The following KRT75 variants were observed in gnomAD, a reference collection of about 807,000 sequenced individuals.
The protein encoded by KRT75 is keratin, type II cytoskeletal 75.
A neutral mutation model predicts 48.8 loss-of-function variants in KRT75; 35 were observed. The ratio of observed to expected loss-of-function variants is 0.72; its 90% CI spans 0.55 to 0.95. KRT75 has a LOEUF of 0.95. Among genes scored for constraint, KRT75 ranks in the 40% least tolerant of loss-of-function variants. The pLI, the probability that KRT75 is intolerant of heterozygous loss-of-function variation, is 0.00. For synonymous variants in KRT75, 301 were observed against 282.3 expected (o/e 1.07, Z -0.66); for missense variants, 776 against 709.9 (o/e 1.09, Z -1.06).
chr12:52,434,006 T>G lies in KRT75; in HGVS notation c.299A>C (p.Tyr100Ser). ...NRFGVNSGFG[Y>S]GGGVGGGFSG... ...GAAGCCTCCTCCAACTCCACCCCCA[T>G]AGCCAAATCCACTGTTGACTCCAAA... The change falls in exon 1 of 9, where the codon TAT becomes TCT. Residue 100 changes from tyrosine (Y) to serine (S), a missense_variant. Tyr to Ser is a moderately radical substitution (Grantham distance 144). Transcript: ENST00000252245. 1 of 1,614,048 alleles carries G rather than the reference T, an allele frequency of 6.2e-7. No homozygotes were observed. The highest frequency in any genetic ancestry group is 8.5e-7 in the Non-Finnish European group (1 of 1,179,984).
In KRT75 at chr12:52,424,515, T is replaced by C; in HGVS notation, c.*2A>G. 1.2e-6 allele frequency: 2 copies of C among 1,613,630 alleles called. No homozygotes were observed. Among genetic ancestry groups the C allele is most frequent in the Middle Eastern group, 3.3e-4 (2 of 6,062 alleles). ...CAGGGTAGAGGGAGCCATGGGGCTC[T>C]CTTAGTGCGTGTAGCTCTTCTGGCT... is the stretch of plus-strand genomic sequence containing the variant. On this transcript the variant is annotated 3_prime_UTR_variant, in exon 9 of 9. Coordinates refer to ENST00000252245, the MANE Select transcript of KRT75 (RefSeq NM_004693.3).
chr12:52,426,635 A>T (rs1940078895), intron 8 of KRT75, among the ~76,000 whole-genome samples, 182 bp downstream of exon 8: 1 of 152,246 alleles, frequency 6.6e-6, no homozygotes, highest in South Asian at 2.1e-4. Context: ...GAACTGTGAC[A>T]TTAAAGACTC....
chr12:52,427,005 T>C (rs1940083446), intron 7 of KRT75, among the ~76,000 whole-genome samples, 154 bp from the exon 8 acceptor site: 2 of 152,252 alleles, frequency 1.3e-5, no homozygotes, highest in African/African-American at 2.4e-5. Flanking sequence ...ATTTGAGAAC[T>C]AGTAGTATTA....
intron 8 of KRT75, 51 bp downstream of exon 8, chr12:52,426,766 T>G (rs754913195): frequency 6.3e-7 from 1 of 1,579,306 alleles, no homozygotes; most frequent in Admixed American, 1.7e-5. Flanking sequence ...CACATCCCCA[T>G]CCCCTCTACC....
chr12:52,428,420 G>T lies in KRT75; in HGVS notation c.1218C>A (p.Leu406=). The T allele has an allele frequency of 1.2e-6, 2 of 1,614,130 alleles. No individual in the cohort carries two copies. Among genetic ancestry groups the T allele is most frequent in the Non-Finnish European group, 1.7e-6 (2 of 1,180,036 alleles). The stretch of plus-strand genomic sequence containing the variant: ...CCACCAGCTTGGCCCGTGCATCCTT[G>T]AGAGCCAGTTCTCCCCGCTGCTCTG... ...ADAEQRGELA[L]KDARAKLVDL... The change falls in exon 7 of 9, where the codon CTC becomes CTA. Residue 406 remains leucine (L), a synonymous_variant. Transcript: ENST00000252245.
chr12:52,430,419 C>T lies in KRT75; in HGVS notation c.1035+122G>A, dbSNP rs114035784. On this transcript the variant is annotated intron_variant, in intron 5 of 8. Transcript: ENST00000252245. Reference sequence around the variant, plus strand: ...AGCTAAGTTGTCATAGCATCAAAGACATGCCTGCTAAGTTGAAATAAACGA... The same window carrying T: ...AGCTAAGTTGTCATAGCATCAAAGATATGCCTGCTAAGTTGAAATAAACGA... 1.0e-3 allele frequency: 1,081 copies of T among 1,044,896 alleles called. 9 individuals carry two copies. In the African/African-American group the frequency reaches 0.014, roughly 14 times the overall value. 64.7% of individuals were successfully genotyped at this position (1,044,896 alleles called of 1,614,324 possible).
In KRT75 at chr12:52,432,728, A is replaced by G. The variant is rs146158360; in HGVS notation, c.713+310T>C. Among the ~76,000 whole-genome samples, 765 of 152,378 alleles carry G rather than the reference A, an allele frequency of 5.0e-3. 21 individuals are homozygous for G. Among genetic ancestry groups the G allele is most frequent in the East Asian group, 0.024 (125 of 5,196 alleles). ...CATCTCAATAATTGAGCCCATGTCC[A>G]ATGGAATTAAACAATATGCTGACTG... On this transcript the variant is annotated intron_variant, in intron 2 of 8. Transcript: ENST00000252245.
At chr12:52,432,173 G>C in intron 2 of KRT75, 107 bp from the exon 3 acceptor site, 1 of 1,043,556 alleles carries the variant, frequency 9.6e-7, no homozygotes, top group Non-Finnish European at 1.5e-6. Flanking sequence ...CAGCTCTTCT[G>C]CTGACCTGGG....
chr12:52,433,263 G>A lies in KRT75; in HGVS notation c.499-11C>T. ...CTCCAAGAACCTCACCTGGAGGGAAGAAGAGAGAATGAAACCTTGAGAAGT... is the reference window on the plus strand; with the variant it reads ...CTCCAAGAACCTCACCTGGAGGGAAAAAGAGAGAATGAAACCTTGAGAAGT... On this transcript the variant is annotated splice_polypyrimidine_tract_variant and intron_variant, in intron 1 of 8. Coordinates refer to ENST00000252245, the MANE Select transcript of KRT75 (RefSeq NM_004693.3). 3 of 1,610,712 alleles carry A rather than the reference G, an allele frequency of 1.9e-6. No homozygotes were observed. The highest frequency in any genetic ancestry group is 2.5e-6 in the Non-Finnish European group (3 of 1,177,130).
At position 52,433,824 on chromosome 12, in the gene KRT75, C is replaced by T. The variant is rs2232387; in HGVS notation, c.481G>A (p.Ala161Thr). ...CTGCTTACCTTGTCGATGAAGGAGG[C>T]GAACTTATTGTTGAGGGTCTTGATC... ...EQIKTLNNKFASFIDKVRFLE... is the reference protein window; with the variant it reads ...EQIKTLNNKFTSFIDKVRFLE... Residue 161 changes from alanine to threonine, a missense_variant, in exon 1 of 9, where the codon GCC (alanine) becomes ACC (threonine). Coordinates refer to ENST00000252245, the MANE Select transcript of KRT75 (RefSeq NM_004693.3). The T allele has an allele frequency of 0.11, 183,275 of 1,613,898 alleles. 11,260 individuals are homozygous for T. Among genetic ancestry groups the T allele is most frequent in the African/African-American group, 0.19 (14,085 of 74,948 alleles).
At position 52,434,224 on chromosome 12, in the gene KRT75, A is replaced by G. The variant is rs1484410195; in HGVS notation, c.81T>C (p.Ala27=). 18 of 1,595,062 alleles carry G rather than the reference A, an allele frequency of 1.1e-5. No individual in the cohort carries two copies. Among genetic ancestry groups the G allele is most frequent in the Non-Finnish European group, 1.5e-5 (17 of 1,170,006 alleles). The change falls in exon 1 of 9, where the codon GCT becomes GCC. Residue 27 remains alanine (A), a synonymous_variant. Coordinates refer to ENST00000252245, the MANE Select transcript of KRT75 (RefSeq NM_004693.3). Reference sequence around the variant, plus strand: ...AGACAGAGCTGAAGCGGGAGCGGCCAGCTGCCGGGGTGATGGCCGAGGTGG... The same window carrying G: ...AGACAGAGCTGAAGCGGGAGCGGCCGGCTGCCGGGGTGATGGCCGAGGTGG... ...FSTTSAITPA[A]GRSRFSSVSV...
In KRT75 at chr12:52,430,625, A is replaced by G. The variant is rs1462835502; in HGVS notation, c.951T>C (p.Asp317=). The change falls in exon 5 of 9, where the codon GAT becomes GAC. Residue 317 remains aspartate, a synonymous_variant. Coordinates refer to ENST00000252245, the MANE Select transcript of KRT75 (RefSeq NM_004693.3). ...SMDNNRNLDL[D]SIIAEVKAQY... The stretch of plus-strand genomic sequence containing the variant: ...GTGCTTTGACCTCGGCGATGATACT[A>G]TCCAGGTCCAGGTTGCGGTTGTTGT... The G allele has an allele frequency of 1.2e-6, 2 of 1,614,110 alleles. No homozygotes were observed. Among genetic ancestry groups the G allele is most frequent in the Non-Finnish European group, 8.5e-7 (1 of 1,180,032 alleles).
intron 5 of KRT75, among the ~76,000 whole-genome samples, chr12:52,429,691 G>A (rs145613932): frequency 6.6e-6 from 1 of 152,274 alleles, no homozygotes; most frequent in African/African-American, 2.4e-5. Flanking sequence ...TCAAGGCGCT[G>A]CCTCTGCCCT....
At position 52,428,475 on chromosome 12, in the gene KRT75, C is replaced by A; in HGVS notation, c.1163G>T (p.Cys388Phe). ...RAEIDSVKKQ[C>F]SSLQTAIADA... The stretch of plus-strand genomic sequence containing the variant: ...AGCAATGGCCGTTTGCAAGCTGGAA[C>A]ACTGTAAGGACAGGAGGAAGCCATG... The change falls in exon 7 of 9, where the codon TGT becomes TTT. Residue 388 changes from cysteine (C) to phenylalanine (F), a missense_variant and splice_region_variant. By Grantham distance (205) the Cys-to-Phe change is radical. Coordinates refer to ENST00000252245, the MANE Select transcript of KRT75 (RefSeq NM_004693.3). 1.9e-6 allele frequency: 3 copies of A among 1,613,176 alleles called. No homozygotes were observed. Among genetic ancestry groups the A allele is most frequent in the Non-Finnish European group, 2.5e-6 (3 of 1,179,542 alleles).
rs775370881 is a variant in KRT75 at position 52,428,741 on chromosome 12, G to A, written c.1038C>T (p.Tyr346=). The change falls in exon 6 of 9, where the codon TAC becomes TAT. Residue 346 remains tyrosine, a splice_region_variant and synonymous_variant. Coordinates refer to ENST00000252245, the MANE Select transcript of KRT75 (RefSeq NM_004693.3). ...AEAESWYQTK[Y]EELQVTAGRH... ...TGCCTGCGGTGACCTGCAGCTCCTCGTACTGAGAGAACCAGAGCAAACCCA... is the reference window on the plus strand; with the variant it reads ...TGCCTGCGGTGACCTGCAGCTCCTCATACTGAGAGAACCAGAGCAAACCCA... 1.5e-5 allele frequency: 25 copies of A among 1,613,850 alleles called. No homozygotes were observed. The highest frequency in any genetic ancestry group is 3.3e-5 in the Admixed American group (2 of 60,010).
chr12:52,427,572 G>T (rs1940090004), intron 7 of KRT75, among the ~76,000 whole-genome samples: 1 of 152,216 alleles, frequency 6.6e-6, no homozygotes. Context: ...TGACACCAAA[G>T]CCTATGTCTT....
chr12:52,426,838 C>T lies in KRT75; in HGVS notation c.1396G>A (p.Gly466Arg), dbSNP rs760345998. The change falls in exon 8 of 9, where the codon GGA (glycine) becomes AGA (arginine). Residue 466 changes from glycine to arginine, a missense_variant. Physicochemically the swap from Gly to Arg is moderately radical, Grantham distance 125 (BLOSUM62 -2). Transcript: ENST00000252245. Reference sequence around the variant, plus strand: ...TCACAAATGTTAACTGGAGAAACTCCCTCTCCACTCAACCTGATTGGGAAG... The same window carrying T: ...TCACAAATGTTAACTGGAGAAACTCTCTCTCCACTCAACCTGATTGGGAAG... Reference protein sequence around the residue: ...EGEECRLSGEGVSPVNISVVT... With the variant: ...EGEECRLSGERVSPVNISVVT... The T allele has an allele frequency of 2.2e-5, 35 of 1,614,010 alleles. No homozygotes were observed. Among genetic ancestry groups the T allele is most frequent in the Admixed American group, 1.0e-4 (6 of 60,006 alleles).
Position 52,433,915 on chromosome 12 carries a change from G to A in KRT75, c.390C>T (p.Leu130=). The A allele has an allele frequency of 6.2e-7, 1 of 1,614,202 alleles. No individual in the cohort carries two copies. The highest frequency in any genetic ancestry group is 1.1e-5 in the South Asian group (1 of 91,082). Reference sequence around the variant, plus strand: ...CGATTTGCAGGTGAAGAGGAGTCAGGAGACTCTGGTTGACAGTGACCTCTT... The same window carrying A: ...CGATTTGCAGGTGAAGAGGAGTCAGAAGACTCTGGTTGACAGTGACCTCTT... The part of the protein sequence containing the change: ...GIQEVTVNQS[L]LTPLHLQIDP... The change falls in exon 1 of 9, where the codon CTC becomes CTT. Residue 130 remains leucine (L), a synonymous_variant. Coordinates refer to ENST00000252245, the MANE Select transcript of KRT75 (RefSeq NM_004693.3).
chr12:52,429,657 A>T (rs1169591487), intron 5 of KRT75, among the ~76,000 whole-genome samples: 1 of 152,222 alleles, frequency 6.6e-6, no homozygotes, highest in Non-Finnish European at 1.5e-5. Flanking sequence ...CTTGGGGTTA[A>T]GTGCATCATG....
Sources: gnomAD v4.1 joint callset for allele counts (sites outside exome capture counted in the v4.1 genomes callset) on GRCh38, gnomAD v4.1.1 for gene constraint, MANE v1.5 for transcripts, NCBI Gene and HGNC (gene_info 2026-07-23, HGNC 2026-07-21) for gene names.